SPATA3: variants seen among roughly 807,000 people sequenced by gnomAD.
The protein encoded by SPATA3 is spermatogenesis associated 3.
In SPATA3, 6 loss-of-function variants were observed where a neutral mutation model predicts 5.7. The observed-to-expected ratio is 1.06, with a 90% CI of 0.58 to 2.09. SPATA3 has a LOEUF of 2.09. Ranked by LOEUF, SPATA3 falls within the 30% of genes most tolerant of loss-of-function variation. The pLI, the probability that SPATA3 is intolerant of heterozygous loss-of-function variation, is 0.00. For missense variants in SPATA3, 155 were observed against 130.4 expected (o/e 1.19, Z -0.92); for synonymous variants, 44 against 48.4 (o/e 0.91, Z 0.37).
At chr2:231,011,045 C>T (rs1376960610), downstream of SPATA3, among the ~76,000 whole-genome samples, 3 of 113,468 alleles carry the variant, frequency 2.6e-5, no homozygotes, top group East Asian at 5.5e-4. Context: ...TGCAATCCAG[C>T]CTGGGTGACA....
At chr2:231,014,897 G>T (rs1692888473) in intron 6 of SPATA3, among the ~76,000 whole-genome samples, 1 of 152,200 alleles carries the variant, frequency 6.6e-6, no homozygotes, top group Admixed American at 6.5e-5. Context: ...GTGTTAAGGT[G>T]CCCTTCCTTC....
At chr2:231,015,811 C>T (rs1023288918) in intron 6 of SPATA3, among the ~76,000 whole-genome samples, 2 of 152,242 alleles carry the variant, frequency 1.3e-5, no homozygotes, top group Non-Finnish European at 2.9e-5. Flanking sequence ...TGGCCCTCTA[C>T]GGAAAGCTTT....
At chr2:230,996,934 A>G (rs1219993383) in intron 1 of SPATA3, among the ~76,000 whole-genome samples, 1 of 152,238 alleles carries the variant, frequency 6.6e-6, no homozygotes, top group Non-Finnish European at 1.5e-5. Flanking sequence ...TTTGGGCTGT[A>G]AAAGATGCCT....
At chr2:230,997,646 T>C (rs1692178083) in intron 1 of SPATA3, among the ~76,000 whole-genome samples, 1 of 152,236 alleles carries the variant, frequency 6.6e-6, no homozygotes, top group Admixed American at 6.5e-5. Context: ...CATAAAAAAC[T>C]TCCCAACAAT....
downstream of SPATA3, among the ~76,000 whole-genome samples, chr2:231,008,383 C>G (rs1336223690): frequency 6.6e-6 from 1 of 152,170 alleles, no homozygotes; most frequent in African/African-American, 2.4e-5. Flanking sequence ...ATGCTGAATG[C>G]CTGTGAGGCA....
downstream of SPATA3, among the ~76,000 whole-genome samples, chr2:231,011,389 C>A (rs1574673199): frequency 6.6e-6 from 1 of 152,120 alleles, no homozygotes; most frequent in Admixed American, 6.6e-5. Flanking sequence ...TACTGGGAGC[C>A]TCCGCACCCG....
intron 1 of SPATA3, among the ~76,000 whole-genome samples, chr2:230,997,403 G>T (rs1316536620): frequency 2.6e-5 from 4 of 152,150 alleles, no homozygotes; most frequent in African/African-American, 9.7e-5. Flanking sequence ...TTTGTAAATT[G>T]CCTAGTCTCA....
downstream of SPATA3, chr2:231,002,942 C>T (rs1380256567): frequency 5.0e-5 from 23 of 458,902 alleles, no homozygotes; most frequent in East Asian, 8.0e-4. Flanking sequence ...TCAGGGTCAG[C>T]CGGCATGGCC....
chr2:231,000,158 G>T (rs560063353), intron 1 of SPATA3, among the ~76,000 whole-genome samples: 153 of 152,252 alleles, frequency 1.0e-3, no homozygotes, highest in Non-Finnish European at 1.8e-3. Context: ...CTTCTGTTTG[G>T]TTAGAGAACA....
downstream of SPATA3, among the ~76,000 whole-genome samples, chr2:231,009,412 G>A (rs990672596): frequency 2.0e-5 from 3 of 152,166 alleles, no homozygotes; most frequent in African/African-American, 7.2e-5. Context: ...TTCCATCCCC[G>A]GGGAAATGTG....
In SPATA3 at chr2:231,001,651, G is replaced by A. The variant is rs140035479; in HGVS notation, c.963-1033G>A. Among the ~76,000 whole-genome samples, 971 of 152,222 alleles carry A rather than the reference G, an allele frequency of 6.4e-3. 8 individuals are homozygous for A. The highest frequency in any genetic ancestry group is 0.022 in the African/African-American group (910 of 41,524). ...ACTTCCATCCATCCATGGCCAAATC[G>A]TGCCATGGGTTCATATCGTTTTAAA... is the stretch of plus-strand genomic sequence containing the variant. On this transcript the variant is annotated intron_variant, in intron 2 of 2. Transcript: ENST00000645363.
At chr2:231,005,889 A>T (rs1174813466), downstream of SPATA3, among the ~76,000 whole-genome samples, 1 of 151,760 alleles carries the variant, frequency 6.6e-6, no homozygotes, top group East Asian at 1.9e-4. Flanking sequence ...TTTGGCTGGG[A>T]ATAGTGGCTC....
chr2:231,012,277 T>A (rs1692808486), downstream of SPATA3, among the ~76,000 whole-genome samples: 1 of 152,224 alleles, frequency 6.6e-6, no homozygotes, highest in South Asian at 2.1e-4. Context: ...TGATCTCATC[T>A]GAGGAGTGCA....
At chr2:231,005,034 CCAT>C (rs1206533270), downstream of SPATA3, among the ~76,000 whole-genome samples, 16 of 99,280 alleles carry the variant, frequency 1.6e-4, no homozygotes, top group South Asian at 1.2e-3. Context: ...ACCATCATCA[CCAT>C]CATCATCACC....
chr2:231,008,039 CA>C (rs1163506669), downstream of SPATA3, among the ~76,000 whole-genome samples: 4 of 152,200 alleles, frequency 2.6e-5, no homozygotes, highest in Non-Finnish European at 5.9e-5. Flanking sequence ...AAGGAACCAC[CA>C]AAGAAGGGAG....
chr2:231,010,801 C>T (rs550871334), downstream of SPATA3, among the ~76,000 whole-genome samples: 2 of 151,946 alleles, frequency 1.3e-5, no homozygotes, highest in East Asian at 1.9e-4. Context: ...GGTGCAGTGG[C>T]TCACGCCTGT....
At chr2:231,015,666 G>A (rs6750580) in intron 6 of SPATA3, among the ~76,000 whole-genome samples, 59,834 of 152,052 alleles carry the variant, frequency 0.39, 12,569 homozygotes, top group African/African-American at 0.53. Context: ...ACACGTCCCA[G>A]ACCCTCTGGG....
downstream of SPATA3, among the ~76,000 whole-genome samples, chr2:231,009,203 C>T (rs1369233672): frequency 6.6e-6 from 1 of 152,222 alleles, no homozygotes; most frequent in African/African-American, 2.4e-5. Context: ...AAAAACAGCA[C>T]ATGCTCCCTC....
chr2:231,015,175 G>A (rs192692739), intron 6 of SPATA3, among the ~76,000 whole-genome samples: 9 of 151,764 alleles, frequency 5.9e-5, no homozygotes, highest in Admixed American at 3.3e-4. Context: ...ACTAAGGTGC[G>A]AAGGATGGAA....
Sources: allele counts gnomAD v4.1 joint callset (sites outside exome capture counted in the v4.1 genomes callset), GRCh38; gene constraint gnomAD v4.1.1; transcripts MANE v1.5; gene names NCBI Gene and HGNC (gene_info 2026-07-23, HGNC 2026-07-21).